The following UTRN variants were observed in gnomAD, a reference collection of about 807,000 sequenced individuals.
UTRN encodes dystrophin-related protein 1.
UTRN carries 283 observed loss-of-function variants against 463.9 expected under a neutral mutation model. The ratio of observed to expected loss-of-function variants is 0.61; its 90% CI spans 0.55 to 0.67. The LOEUF (loss-of-function observed/expected upper bound fraction) is 0.67, where lower values mean the gene tolerates loss of function less well. Ranked by LOEUF, UTRN falls within the 30% of genes least tolerant of loss-of-function variation. The pLI is 0.00. For synonymous variants in UTRN, 1,442 were observed against 1,431.5 expected (o/e 1.01, Z -0.17); for missense variants, 3,922 against 4,084.3 (o/e 0.96, Z 1.08).
intron 51 of UTRN, among the ~76,000 whole-genome samples, chr6:144,614,532 A>G (rs1018138741): frequency 6.6e-6 from 1 of 152,166 alleles, no homozygotes; most frequent in Non-Finnish European, 1.5e-5. Flanking sequence ...CAGATATGTG[A>G]TGGATTACAT....
At chr6:144,820,611 T>C (rs1433872614) in intron 65 of UTRN, among the ~76,000 whole-genome samples, 3 of 152,244 alleles carry the variant, frequency 2.0e-5, no homozygotes, top group Non-Finnish European at 2.9e-5. Context: ...AATTATACTT[T>C]TTGGCCCAAG....
intron 53 of UTRN, among the ~76,000 whole-genome samples, chr6:144,727,901 C>G (rs1008811840): frequency 6.6e-6 from 1 of 151,978 alleles, no homozygotes; most frequent in Non-Finnish European, 1.5e-5. Flanking sequence ...ACCAGCCTGG[C>G]CAACCATGGC....
At chr6:144,809,515 A>G (rs1449468480) in intron 65 of UTRN, among the ~76,000 whole-genome samples, 1 of 152,142 alleles carries the variant, frequency 6.6e-6, no homozygotes, top group Non-Finnish European at 1.5e-5. Flanking sequence ...GGGAAAGAAG[A>G]GGTTTATTTA....
At chr6:144,723,759 T>C (rs1243660559) in intron 53 of UTRN, among the ~76,000 whole-genome samples, 2 of 152,044 alleles carry the variant, frequency 1.3e-5, no homozygotes, top group Non-Finnish European at 2.9e-5. Flanking sequence ...CCCAGCACTT[T>C]GGGAGGCCAA....
intron 53 of UTRN, among the ~76,000 whole-genome samples, chr6:144,709,112 T>C (rs1199853812): frequency 6.6e-6 from 1 of 152,216 alleles, no homozygotes; most frequent in African/African-American, 2.4e-5. Flanking sequence ...AAATTTCATC[T>C]TGAGTTTTGG....
intron 51 of UTRN, among the ~76,000 whole-genome samples, chr6:144,636,231 G>C (rs569040395): frequency 2.6e-5 from 4 of 152,050 alleles, no homozygotes; most frequent in African/African-American, 4.8e-5. Flanking sequence ...ATGAGTTCAC[G>C]TCCCTTGCAA....
intron 50 of UTRN, among the ~76,000 whole-genome samples, chr6:144,568,653 C>T (rs1800652096): frequency 1.3e-5 from 2 of 152,056 alleles, no homozygotes; most frequent in South Asian, 2.1e-4. Context: ...AGTCATCTTT[C>T]GTTTACATGC....
chr6:144,832,941 T>A (rs1365518299), intron 69 of UTRN, among the ~76,000 whole-genome samples: 1 of 152,050 alleles, frequency 6.6e-6, no homozygotes, highest in African/African-American at 2.4e-5. Flanking sequence ...TGCCTCAGCC[T>A]CCCGAGTAGC....
chr6:144,698,727 A>C (rs940900467), intron 52 of UTRN, among the ~76,000 whole-genome samples: 4 of 152,250 alleles, frequency 2.6e-5, no homozygotes, highest in African/African-American at 4.8e-5. Flanking sequence ...AACAAGAGCA[A>C]AAAAGGAACA....
chr6:144,442,334 TTC>T (rs1205699347), intron 13 of UTRN, among the ~76,000 whole-genome samples: 1 of 152,156 alleles, frequency 6.6e-6, no homozygotes, highest in Non-Finnish European at 1.5e-5. Context: ...TCCCACATTT[TTC>T]TGTCTTCTTC....
chr6:144,428,657 T>C (rs186338821), intron 7 of UTRN, 121 bp from the exon 8 acceptor site: 142 of 547,994 alleles, frequency 2.6e-4, no homozygotes, highest in African/African-American at 2.5e-3. Context: ...GATATAAAAA[T>C]AAACTCAAAA....
chr6:144,795,311 G>C (rs1777113339), intron 63 of UTRN, among the ~76,000 whole-genome samples: 2 of 152,140 alleles, frequency 1.3e-5, no homozygotes, highest in Non-Finnish European at 2.9e-5. Flanking sequence ...TTGCTATTGT[G>C]AATAGTGCCT....
rs140382543 is a variant in UTRN, at chr6:144,426,453, G to A, written c.572G>A (p.Arg191Gln). The change falls in exon 7 of 75, where the codon CGA becomes CAA. Residue 191 changes from arginine (R) to glutamine (Q), a missense_variant. By Grantham distance (43) the Arg-to-Gln change is conservative. This residue lies in a region of UTRN where 264 missense variants were observed against 327.9 expected (regional missense o/e 0.81). Coordinates refer to ENST00000367545, the MANE Select transcript of UTRN (RefSeq NM_007124.3). ...CTCGCCTTTAATGCTGTCCTCCACCGACATAAGTGAGACATTACTCTATCT... is the reference window on the plus strand; with the variant it reads ...CTCGCCTTTAATGCTGTCCTCCACCAACATAAGTGAGACATTACTCTATCT... ...DGLAFNAVLHRHKPDLFSWDK... is the reference protein window; with the variant it reads ...DGLAFNAVLHQHKPDLFSWDK... 1.2e-5 allele frequency: 20 copies of A among 1,612,942 alleles called. No homozygotes were observed. Among genetic ancestry groups the A allele is most frequent in the African/African-American group, 2.7e-5 (2 of 74,922 alleles).
chr6:144,830,631 GC>G (rs1267124065), intron 69 of UTRN, among the ~76,000 whole-genome samples: 4 of 152,098 alleles, frequency 2.6e-5, no homozygotes, highest in African/African-American at 9.7e-5. Context: ...GCCACATGTG[GC>G]CCAGGACAGC....
At chr6:144,592,395 C>G (rs1432934922) in intron 51 of UTRN, among the ~76,000 whole-genome samples, 3 of 151,392 alleles carry the variant, frequency 2.0e-5, no homozygotes, top group Non-Finnish European at 4.4e-5. Flanking sequence ...ATTTTTTAGA[C>G]AAGAGTCTTG....
intron 41 of UTRN, among the ~76,000 whole-genome samples, chr6:144,527,885 C>G (rs1242549918): frequency 2.6e-5 from 4 of 152,050 alleles, no homozygotes; most frequent in Admixed American, 6.6e-5. Context: ...CCTTCATATG[C>G]TGTGTCATTG....
chr6:144,621,945 C>A (rs1159823443), intron 51 of UTRN, among the ~76,000 whole-genome samples: 1 of 151,914 alleles, frequency 6.6e-6, no homozygotes, highest in African/African-American at 2.4e-5. Context: ...TTCTCTCTCC[C>A]TCTTCTCCTT....
chr6:144,557,937 C>A (rs1313155953), intron 50 of UTRN, among the ~76,000 whole-genome samples: 3 of 152,128 alleles, frequency 2.0e-5, no homozygotes, highest in Admixed American at 6.6e-5. Context: ...TGATTAGCAT[C>A]TCTTTAAGAC....
intron 2 of UTRN, among the ~76,000 whole-genome samples, chr6:144,364,134 GT>G (rs1779307113): frequency 6.6e-6 from 1 of 152,174 alleles, no homozygotes; most frequent in South Asian, 2.1e-4. Context: ...ATTAAATTGA[GT>G]TATGGCAAAG....
Sources: allele counts gnomAD v4.1 joint callset (sites outside exome capture counted in the v4.1 genomes callset), GRCh38; gene constraint gnomAD v4.1.1; regional missense constraint gnomAD v4.1.1; transcripts MANE v1.5; gene names NCBI Gene and HGNC (gene_info 2026-07-23, HGNC 2026-07-21).